GABRG2: variants seen among roughly 807,000 people sequenced by gnomAD.
GABRG2 encodes the protein gamma-aminobutyric acid type A receptor subunit gamma2.
In GABRG2, 16 loss-of-function variants were observed where a neutral mutation model predicts 56.4. The ratio of observed to expected loss-of-function variants is 0.28; its 90% CI spans 0.19 to 0.43. GABRG2 has a LOEUF of 0.43. Ranked by LOEUF, GABRG2 falls within the 20% of genes least tolerant of loss-of-function variation. The probability of loss-of-function intolerance (pLI) is 1.00; values close to 1 mark genes in which losing one functional copy is unlikely to be tolerated. For missense variants in GABRG2, 327 were observed against 582.7 expected (o/e 0.56, Z 4.52); for synonymous variants, 208 against 205.5 (o/e 1.01, Z -0.10).
At chr5:162,092,290 C>T (rs576824178) in intron 1 of GABRG2, among the ~76,000 whole-genome samples, 1 of 152,172 alleles carries the variant, frequency 6.6e-6, no homozygotes, top group South Asian at 2.1e-4. Flanking sequence ...AATTAATGCT[C>T]CTTTAAACTT....
chr5:162,093,682 T>A, intron 1 of GABRG2, 146 bp from the exon 2 acceptor site: 1 of 767,814 alleles, frequency 1.3e-6, no homozygotes. Flanking sequence ...TCTATGCAGT[T>A]TAATTAGCAC....
chr5:162,077,937 G>A (rs1397912426), intron 1 of GABRG2, among the ~76,000 whole-genome samples: 2 of 152,078 alleles, frequency 1.3e-5, no homozygotes, highest in African/African-American at 2.4e-5. Flanking sequence ...AAGGAGGAGG[G>A]AGGAAGGGAG....
chr5:162,077,514 CA>C (rs1164417383), intron 1 of GABRG2, among the ~76,000 whole-genome samples: 2 of 152,094 alleles, frequency 1.3e-5, no homozygotes, highest in Non-Finnish European at 2.9e-5. Context: ...TAGGATGTAG[CA>C]TAGATGTATT....
intron 1 of GABRG2, 40 bp downstream of exon 1, chr5:162,068,146 G>C: frequency 6.9e-7 from 1 of 1,440,742 alleles, no homozygotes; most frequent in Non-Finnish European, 9.8e-7. Context: ...GTTCTGAAGA[G>C]GTGGGGGGAA....
chr5:162,149,127 A>G lies in GABRG2; in HGVS notation c.942A>G (p.Thr314=), dbSNP rs377502016. Residue 314 remains threonine, a synonymous_variant, in exon 8 of 10, where the codon ACA becomes ACG. Coordinates refer to ENST00000639213, the MANE Select transcript of GABRG2 (RefSeq NM_198904.4). The part of the protein sequence containing the change: ...RTSLGITTVL[T]MTTLSTIARK... ...CTTCAGGTATCACCACTGTCCTGAC[A>G]ATGACCACCCTCAGCACCATTGCCC... is the stretch of plus-strand genomic sequence containing the variant. The G allele has an allele frequency of 1.5e-5, 25 of 1,613,936 alleles. 1 individual carries two copies. Among genetic ancestry groups the G allele is most frequent in the East Asian group, 1.1e-4 (5 of 44,844 alleles).
chr5:162,134,116 A>G (rs1264160902), intron 6 of GABRG2, among the ~76,000 whole-genome samples: 4 of 152,120 alleles, frequency 2.6e-5, no homozygotes, highest in East Asian at 1.9e-4. Context: ...TGGATTTATC[A>G]TCATAGTCCT....
At chr5:162,134,813 C>T (rs1361729238) in intron 6 of GABRG2, among the ~76,000 whole-genome samples, 1 of 152,130 alleles carries the variant, frequency 6.6e-6, no homozygotes, top group African/African-American at 2.4e-5. Flanking sequence ...CATCCCTCCT[C>T]AGCAGCCTGC....
At chr5:162,151,497 A>G in intron 8 of GABRG2, 1 of 486,428 alleles carries the variant, frequency 2.1e-6, no homozygotes. Flanking sequence ...AAGTAATTGT[A>G]GATTAATTTA....
At chr5:162,145,060 T>G (rs1299353902) in intron 7 of GABRG2, among the ~76,000 whole-genome samples, 6 of 152,186 alleles carry the variant, frequency 3.9e-5, no homozygotes, top group African/African-American at 7.2e-5. Context: ...TCTCAATGTT[T>G]ACAATCCAGA....
chr5:162,137,652 C>T (rs181773839), intron 6 of GABRG2, among the ~76,000 whole-genome samples: 2 of 152,188 alleles, frequency 1.3e-5, no homozygotes, highest in Admixed American at 6.5e-5. Context: ...AATATCTCAC[C>T]ACACTCAAAT....
chr5:162,073,071 TTC>T (rs1440666546), intron 1 of GABRG2, among the ~76,000 whole-genome samples: 1 of 151,944 alleles, frequency 6.6e-6, no homozygotes, highest in African/African-American at 2.4e-5. Flanking sequence ...GATTCTCTCA[TTC>T]TGTCTTCAGT....
chr5:162,107,683 C>G (rs924590674), intron 6 of GABRG2, among the ~76,000 whole-genome samples: 4 of 152,142 alleles, frequency 2.6e-5, no homozygotes, highest in African/African-American at 9.7e-5. Flanking sequence ...GATTCTGGAT[C>G]CATGATTTCT....
chr5:162,088,339 C>T (rs1286946428), intron 1 of GABRG2, among the ~76,000 whole-genome samples: 2 of 152,176 alleles, frequency 1.3e-5, no homozygotes, highest in East Asian at 3.9e-4. Flanking sequence ...CCACCTTTTG[C>T]AGTGGCTGAA....
rs145191451 is a variant in GABRG2, at chr5:162,093,497, T to G, written c.108-331T>G. ...TTAGACTACATATGATCCTTTAACC[T>G]CCATTTTCACACAAATAGTTTTCTT... is the stretch of plus-strand genomic sequence containing the variant. On this transcript the variant is annotated intron_variant, in intron 1 of 9. Transcript: ENST00000639213. 8.7e-3 allele frequency among the ~76,000 whole-genome samples: 1,322 copies of G among 152,176 alleles called. 19 individuals are homozygous for G. The highest frequency in any genetic ancestry group is 0.031 in the African/African-American group (1,268 of 41,536).
chr5:162,099,473 A>G (rs1761250984), intron 4 of GABRG2: 1 of 151,998 alleles, frequency 6.6e-6, no homozygotes, highest in Non-Finnish European at 1.5e-5. Flanking sequence ...TAGTCTTACT[A>G]TGTTGCCCAT....
At chr5:162,101,507 A>AG in intron 5 of GABRG2, 190 bp downstream of exon 5, 2 of 612,600 alleles carry the variant, frequency 3.3e-6, no homozygotes, top group Non-Finnish European at 5.8e-6. Context: ...CTGCAAAAGA[A>AG]GGGCTGATTT....
intron 2 of GABRG2, 150 bp downstream of exon 2, chr5:162,094,129 G>A: frequency 1.2e-6 from 1 of 805,234 alleles, no homozygotes; most frequent in Non-Finnish European, 2.0e-6. Flanking sequence ...ATAGCATTCA[G>A]GCCTATGAGT....
At chr5:162,140,103 A>G (rs1764445915) in intron 6 of GABRG2, among the ~76,000 whole-genome samples, 1 of 152,202 alleles carries the variant, frequency 6.6e-6, no homozygotes, top group Non-Finnish European at 1.5e-5. Context: ...ATTAACACAG[A>G]GAAGCATATG....
chr5:162,089,864 A>G (rs1328559097), intron 1 of GABRG2, among the ~76,000 whole-genome samples: 1 of 152,150 alleles, frequency 6.6e-6, no homozygotes, highest in African/African-American at 2.4e-5. Flanking sequence ...GCTTTATTAA[A>G]TATATCGAAA....
Sources: allele counts gnomAD v4.1 joint callset (sites outside exome capture counted in the v4.1 genomes callset), GRCh38; gene constraint gnomAD v4.1.1; transcripts MANE v1.5; gene names NCBI Gene and HGNC (gene_info 2026-07-23, HGNC 2026-07-21).